Variants in FAT4 observed in about 807,000 individuals in gnomAD.
FAT4 encodes the protein protocadherin Fat 4.
A neutral mutation model predicts 303.9 loss-of-function variants in FAT4; 84 were observed. The ratio of observed to expected loss-of-function variants is 0.28; its 90% CI spans 0.23 to 0.33. The LOEUF is 0.33. Ranked by LOEUF, FAT4 falls within the 10% of genes least tolerant of loss-of-function variation. The pLI, the probability that FAT4 is intolerant of heterozygous loss-of-function variation, is 1.00. For missense variants in FAT4, 6,005 were observed against 6,146.8 expected (o/e 0.98, Z 0.77); for synonymous variants, 2,307 against 2,298.8 (o/e 1.00, Z -0.10).
intron 5 of FAT4, among the ~76,000 whole-genome samples, chr4:125,411,806 A>G (rs903836629): frequency 6.9e-6 from 1 of 145,854 alleles, no homozygotes; most frequent in Non-Finnish European, 1.5e-5. Flanking sequence ...TGAGACTGAA[A>G]TACTATATAT....
At chr4:125,411,071 A>G (rs924204836) in intron 5 of FAT4, among the ~76,000 whole-genome samples, 2 of 152,050 alleles carry the variant, frequency 1.3e-5, no homozygotes, top group Non-Finnish European at 2.9e-5. Context: ...TTAGTCAGAC[A>G]TTTTTTAAAA....
In FAT4 at chr4:125,448,819, T is replaced by C; in HGVS notation, c.7809T>C (p.Tyr2603=). The C allele has an allele frequency of 6.2e-7, 1 of 1,609,158 alleles. No individual in the cohort carries two copies. The highest frequency in any genetic ancestry group is 2.2e-5 in the East Asian group (1 of 44,846). ...CTTTAAGAGGAGAACCTATGTCATA[T>C]TATATCGCAAGTGGGAATCTTGGCA... ...GSSLRGEPMS[Y]YIASGNLGNT... The change falls in exon 10 of 18, where the codon TAT becomes TAC. Residue 2603 remains tyrosine, a synonymous_variant. Coordinates refer to ENST00000394329, the MANE Select transcript of FAT4 (RefSeq NM_001291303.3).
chr4:125,328,004 C>A (rs971025243), intron 2 of FAT4, among the ~76,000 whole-genome samples: 1 of 152,026 alleles, frequency 6.6e-6, no homozygotes, highest in South Asian at 2.1e-4. Context: ...CTAGGCCCAG[C>A]GCTTTATAAA....
Position 125,449,385 on chromosome 4 carries a change from C to G in FAT4, c.8375C>G (p.Thr2792Arg). 2 of 1,613,740 alleles carry G rather than the reference C, an allele frequency of 1.2e-6. No individual in the cohort carries two copies. The highest frequency in any genetic ancestry group is 1.7e-6 in the Non-Finnish European group (2 of 1,179,824). The change falls in exon 10 of 18, where the codon ACA (threonine) becomes AGA (arginine). Residue 2792 changes from threonine to arginine, a missense_variant. Coordinates refer to ENST00000394329, the MANE Select transcript of FAT4 (RefSeq NM_001291303.3). ...HVPENSPLGYTVTRVTTSDED... is the reference protein window; with the variant it reads ...HVPENSPLGYRVTRVTTSDED... ...CCTGAAAATTCCCCCTTAGGATACA[C>G]AGTTACCCGTGTCACAACTTCTGAT...
At position 125,316,547 on chromosome 4, in the gene FAT4, C is replaced by A; in HGVS notation, c.136C>A (p.Arg46Ser). Residue 46 changes from arginine to serine, a missense_variant, in exon 2 of 18, where the codon CGC (arginine) becomes AGC (serine). Transcript: ENST00000394329. This position sits in a 1 kb window ranked among gnomAD's most constrained non-coding sequence, Gnocchi z 5.7. ...GGCCTGGGTCCACGGGGCCGAGCCG[C>A]GCCAGGTGTTCCAAGTGCTGGAAGA... is the stretch of plus-strand genomic sequence containing the variant. ...GQAWVHGAEP[R>S]QVFQVLEEQP... The A allele has an allele frequency of 6.2e-7, 1 of 1,614,066 alleles. No homozygotes were observed. The highest frequency in any genetic ancestry group is 8.5e-7 in the Non-Finnish European group (1 of 1,180,030).
At chr4:125,388,878 G>C (rs1486846470) in intron 2 of FAT4, among the ~76,000 whole-genome samples, 1 of 152,066 alleles carries the variant, frequency 6.6e-6, no homozygotes, top group African/African-American at 2.4e-5. Flanking sequence ...GTCACTCCTG[G>C]CTACTCTCCA....
chr4:125,366,949 G>A (rs1732910780), intron 2 of FAT4, among the ~76,000 whole-genome samples: 1 of 151,664 alleles, frequency 6.6e-6, no homozygotes, highest in Non-Finnish European at 1.5e-5. Context: ...AATGGTATTT[G>A]TTATTTTTAT....
At chr4:125,453,451 G>A (rs1194902172) in intron 10 of FAT4, among the ~76,000 whole-genome samples, 1 of 152,154 alleles carries the variant, frequency 6.6e-6, no homozygotes, top group Non-Finnish European at 1.5e-5. Context: ...GCTCATGCCT[G>A]TAATCCCAGC....
rs972170826 is a variant in FAT4, at chr4:125,444,987, T to C, written c.7200-1306T>C. Among the ~76,000 whole-genome samples the C allele has an allele frequency of 3.9e-5, 6 of 152,118 alleles. No homozygotes were observed. The East Asian group carries it at 9.6e-4, about 24-fold the overall frequency. On this transcript the variant is annotated intron_variant, in intron 8 of 17. Transcript: ENST00000394329. ...GATATTTATATTTTGATAAAGAGAA[T>C]ATATATTATCTACTGTAAAGGGCAA...
Position 125,415,438 on chromosome 4 carries a change from T to G in FAT4, c.6475T>G (p.Tyr2159Asp). 6.2e-7 allele frequency: 1 copy of G among 1,614,112 alleles called. No individual in the cohort carries two copies. The change falls in exon 6 of 18, where the codon TAT (tyrosine) becomes GAT (aspartate). Residue 2159 changes from tyrosine to aspartate, a missense_variant. Tyr to Asp is a radical substitution (Grantham distance 160). Transcript: ENST00000394329. ...CAACCCCATCTTTGCACAAGCTTTG[T>G]ATAAAGTGGAGATTAATGAAAACAC... Reference protein sequence around the residue: ...DNNPIFAQALYKVEINENTLT... With the variant: ...DNNPIFAQALDKVEINENTLT...
chr4:125,482,575 T>C (rs1455682960), intron 16 of FAT4, among the ~76,000 whole-genome samples: 2 of 152,244 alleles, frequency 1.3e-5, no homozygotes, highest in Middle Eastern at 3.4e-3. Flanking sequence ...CTTTGTATCA[T>C]TCTACTGATA....
At chr4:125,466,804 T>C (rs1578678314) in intron 11 of FAT4, among the ~76,000 whole-genome samples, 1 of 150,270 alleles carries the variant, frequency 6.7e-6, no homozygotes, top group East Asian at 2.0e-4. Context: ...AGACGGAGTC[T>C]CGCTCTGTCG....
chr4:125,413,722 G>A (rs1223310837), intron 5 of FAT4, among the ~76,000 whole-genome samples: 1 of 151,912 alleles, frequency 6.6e-6, no homozygotes, highest in Non-Finnish European at 1.5e-5. Context: ...AAAGTTAACT[G>A]AAGTATTGAT....
Position 125,384,424 on chromosome 4 carries a change from C to A in FAT4, c.5176-14360C>A, listed in dbSNP as rs185271410. Among the ~76,000 whole-genome samples the A allele has an allele frequency of 1.6e-4, 24 of 152,158 alleles. No homozygotes were observed. In the East Asian group the frequency reaches 3.3e-3, roughly 21 times the overall value. ...CTCAAATGACTAATGAATTTAACAT[C>A]TTTTTATGTGTTGTTTAACTATTCT... On this transcript the variant is annotated intron_variant, in intron 2 of 17. Transcript: ENST00000394329.
chr4:125,491,124 A>AGTC lies in FAT4; in HGVS notation c.14310_14312dup (p.Arg4771dup). The AGTC allele has an allele frequency of 6.2e-7, 1 of 1,614,204 alleles. No individual in the cohort carries two copies. The highest frequency in any genetic ancestry group is 8.5e-7 in the Non-Finnish European group (1 of 1,180,038). On this transcript the variant is annotated inframe_insertion, in exon 18 of 18. Transcript: ENST00000394329. The stretch of plus-strand genomic sequence containing the variant: ...GGCATCACATGGTTCTAGACCAGGG[A>AGTC]GTCGCCTAAAGCAGCCGATTGGGCA...
intron 12 of FAT4, among the ~76,000 whole-genome samples, chr4:125,471,877 C>T (rs1419052705): frequency 9.3e-6 from 1 of 107,414 alleles, no homozygotes; most frequent in Non-Finnish European, 1.8e-5. Flanking sequence ...CAGTGAAACC[C>T]TGTCTCTACT....
At chr4:125,420,226 T>A (rs187713446) in intron 7 of FAT4, among the ~76,000 whole-genome samples, 1 of 152,326 alleles carries the variant, frequency 6.6e-6, no homozygotes, top group East Asian at 1.9e-4. Context: ...ATAAAATATA[T>A]GAGTATATAG....
At chr4:125,352,197 A>T (rs57643885) in intron 2 of FAT4, among the ~76,000 whole-genome samples, 2 of 151,608 alleles carry the variant, frequency 1.3e-5, no homozygotes, top group Non-Finnish European at 3.0e-5. Flanking sequence ...TAAATAGAAT[A>T]TAGCTCTAAG....
At chr4:125,395,113 T>C (rs1319046799) in intron 2 of FAT4, among the ~76,000 whole-genome samples, 1 of 152,100 alleles carries the variant, frequency 6.6e-6, no homozygotes, top group East Asian at 1.9e-4. Flanking sequence ...AATGGCAGGA[T>C]AACACTTATC....
Sources: allele counts gnomAD v4.1 joint callset (sites outside exome capture counted in the v4.1 genomes callset), GRCh38; gene constraint gnomAD v4.1.1; non-coding constraint Gnocchi (gnomAD v3.1); transcripts MANE v1.5; gene names NCBI Gene and HGNC (gene_info 2026-07-23, HGNC 2026-07-21).